CCDC77: variants seen among roughly 807,000 people sequenced by gnomAD.
The protein encoded by CCDC77 is coiled-coil domain-containing protein 77.
A neutral mutation model predicts 66.8 loss-of-function variants in CCDC77; 56 were observed. The observed-to-expected ratio is 0.84, with a 90% CI of 0.68 to 1.05. CCDC77 has a LOEUF of 1.05. Ranked by LOEUF, CCDC77 falls within the 50% of genes least tolerant of loss-of-function variation. The pLI is 0.00. For missense variants in CCDC77, 570 were observed against 576.8 expected (o/e 0.99, Z 0.12); for synonymous variants, 196 against 195.2 (o/e 1.00, Z -0.03).
upstream of CCDC77, among the ~76,000 whole-genome samples, chr12:396,673 T>C (rs1541464): frequency 0.74 from 112,610 of 152,014 alleles, 41,826 homozygotes; most frequent in East Asian, 0.84. Flanking sequence ...TTGAGTTGGC[T>C]CTCGTAAGAA....
At chr12:392,732 A>G (rs927559752) in intron 1 of CCDC77, among the ~76,000 whole-genome samples, 4 of 149,814 alleles carry the variant, frequency 2.7e-5, no homozygotes, top group African/African-American at 7.5e-5. Flanking sequence ...GCAACAGAGT[A>G]AGACTCTGTC....
At chr12:399,322 C>T (rs146945060), upstream of CCDC77, among the ~76,000 whole-genome samples, 3,106 of 152,266 alleles carry the variant, frequency 0.02, 66 homozygotes, top group East Asian at 0.048. Flanking sequence ...CAGGCATGCG[C>T]CATCATGGCC....
upstream of CCDC77, among the ~76,000 whole-genome samples, chr12:401,197 C>A (rs532644384): frequency 3.3e-5 from 5 of 152,210 alleles, no homozygotes; most frequent in Non-Finnish European, 7.3e-5. Context: ...AGAAACTGAA[C>A]CTCAGGTCCT....
At chr12:415,513 T>TTGA (rs1449554745) in intron 4 of CCDC77, among the ~76,000 whole-genome samples, 59 of 128,360 alleles carry the variant, frequency 4.6e-4, no homozygotes, top group African/African-American at 6.0e-4. Context: ...ACATAATATG[T>TTGA]TAATATTAAC....
rs1450717462 is a variant in CCDC77, at chr12:427,932, G to A, written c.414-837G>A. Among the ~76,000 whole-genome samples, 9 of 152,134 alleles carry A rather than the reference G, an allele frequency of 5.9e-5. No homozygotes were observed. The East Asian group carries it at 1.3e-3, about 23-fold the overall frequency. ...CTGGGATTCAGTTGCAGCAGGCCTC[G>A]TCCAACACGATAGGGATCTCTGAAG... On this transcript the variant is annotated intron_variant, in intron 5 of 12. Coordinates refer to ENST00000239830, the MANE Select transcript of CCDC77 (RefSeq NM_032358.4).
chr12:389,398 T>C, exon 1 of CCDC77: 2 of 540,726 alleles, frequency 3.7e-6, no homozygotes, highest in Non-Finnish European at 3.4e-6. Flanking sequence ...TTCCTTCTTC[T>C]TCTCTTCCCC....
upstream of CCDC77, among the ~76,000 whole-genome samples, chr12:397,007 A>G (rs906598610): frequency 2.6e-5 from 4 of 152,114 alleles, no homozygotes; most frequent in African/African-American, 9.7e-5. Flanking sequence ...CCTGAGTTCA[A>G]GCAATTCGCC....
At chr12:394,924 C>T (rs1312003746) in intron 1 of CCDC77, among the ~76,000 whole-genome samples, 1 of 152,150 alleles carries the variant, frequency 6.6e-6, no homozygotes, top group African/African-American at 2.4e-5. Context: ...AGTATCGGCT[C>T]TCATACAGCT....
chr12:411,596 G>A, intron 3 of CCDC77, 151 bp from the exon 4 acceptor site: 1 of 640,310 alleles, frequency 1.6e-6, no homozygotes, highest in Non-Finnish European at 2.7e-6. Context: ...GGGATTACAG[G>A]CATGAGCCAC....
intron 5 of CCDC77, chr12:418,996 G>T: frequency 5.3e-6 from 1 of 189,530 alleles, no homozygotes; most frequent in South Asian, 1.2e-4. Context: ...ACCATGCCCA[G>T]CCCTTTAAAT....
rs1945122045 is a variant in CCDC77, at chr12:412,033, G to C, written c.270+55G>C. 3 of 1,318,602 alleles carry C rather than the reference G, an allele frequency of 2.3e-6. No homozygotes were observed. In the Admixed American group the frequency reaches 5.8e-5, roughly 26 times the overall value. 81.7% of individuals were successfully genotyped at this position (1,318,602 alleles called of 1,614,324 possible). A position where few individuals can be genotyped will look rare whatever the true frequency, so the allele number is the denominator to read the frequency against. Reference sequence around the variant, plus strand: ...TCTGATGGAGTCTTCATAAATTAGAGATGCCCTACAAGTGCCAGTTTATAT... The same window carrying C: ...TCTGATGGAGTCTTCATAAATTAGACATGCCCTACAAGTGCCAGTTTATAT... On this transcript the variant is annotated intron_variant, in intron 4 of 12. Transcript: ENST00000239830.
intron 1 of CCDC77, among the ~76,000 whole-genome samples, chr12:394,316 A>G (rs547315964): frequency 6.6e-6 from 1 of 152,336 alleles, no homozygotes; most frequent in East Asian, 1.9e-4. Context: ...GACAAAAGAC[A>G]TATTTAAAGG....
chr12:412,800 T>C (rs1357836049), intron 4 of CCDC77, among the ~76,000 whole-genome samples: 1 of 152,158 alleles, frequency 6.6e-6, no homozygotes, highest in African/African-American at 2.4e-5. Context: ...TTCCTCTCCT[T>C]CCACATCTGT....
chr12:416,880 G>A (rs1208974388), intron 4 of CCDC77, among the ~76,000 whole-genome samples: 3 of 77,746 alleles, frequency 3.9e-5, no homozygotes, highest in African/African-American at 8.8e-5. Flanking sequence ...GGCCGAGGCC[G>A]GCGGATCACC....
At chr12:400,040 G>T (rs756079291), upstream of CCDC77, among the ~76,000 whole-genome samples, 1 of 152,250 alleles carries the variant, frequency 6.6e-6, no homozygotes, top group Non-Finnish European at 1.5e-5. Flanking sequence ...TAGCTCTTCT[G>T]AATAACTTGC....
At chr12:416,377 G>GTGTA (rs1170807639) in intron 4 of CCDC77, among the ~76,000 whole-genome samples, 12 of 20,600 alleles carry the variant, frequency 5.8e-4, no homozygotes, top group Non-Finnish European at 8.7e-4. Context: ...GTGTGTGTGT[G>GTGTA]TATATATATA....
chr12:417,700 AG>A (rs1945313503), intron 4 of CCDC77, among the ~76,000 whole-genome samples: 1 of 152,100 alleles, frequency 6.6e-6, no homozygotes, highest in Admixed American at 6.6e-5. Flanking sequence ...GGATTGCCTG[AG>A]CTCAGGAGTT....
chr12:411,180 G>GT (rs5795916), intron 3 of CCDC77, among the ~76,000 whole-genome samples: 164 of 145,766 alleles, frequency 1.1e-3, no homozygotes, highest in Middle Eastern at 3.5e-3. Context: ...CTTTCAATTT[G>GT]TTTTTTTTTT....
chr12:409,448 G>C (rs1412471174), intron 3 of CCDC77, 27 bp downstream of exon 3: 5 of 1,607,406 alleles, frequency 3.1e-6, no homozygotes, highest in East Asian at 2.2e-5. Flanking sequence ...TTTTCAAGTT[G>C]TTAAGAAATC....
Sources: allele counts gnomAD v4.1 joint callset (sites outside exome capture counted in the v4.1 genomes callset), GRCh38; gene constraint gnomAD v4.1.1; transcripts MANE v1.5; gene names NCBI Gene and HGNC (gene_info 2026-07-23, HGNC 2026-07-21).